Variants in ANKS1B observed in about 807,000 individuals in gnomAD.
ANKS1B encodes the protein ankyrin repeat and sterile alpha motif domain containing 1B, also known as ankyrin repeat and sterile alpha motif domain-containing protein 1B.
A neutral mutation model predicts 148.3 loss-of-function variants in ANKS1B; 36 were observed. The ratio of observed to expected loss-of-function variants is 0.24; its 90% confidence interval spans 0.19 to 0.32. The LOEUF (loss-of-function observed/expected upper bound fraction) is 0.32, where lower values mean the gene tolerates loss of function less well. Ranked by LOEUF, ANKS1B falls within the 10% of genes least tolerant of loss-of-function variation. The pLI is 1.00. For synonymous variants in ANKS1B, 542 were observed against 560.8 expected (o/e 0.97, Z 0.47); for missense variants, 1,157 against 1,542.6 (o/e 0.75, Z 4.19).
In ANKS1B at chr12:99,053,223, G is replaced by T. The variant is rs769313167; in HGVS notation, c.2712C>A (p.Ala904=). 1.6e-5 allele frequency: 26 copies of T among 1,610,830 alleles called. No individual in the cohort carries two copies. Among genetic ancestry groups the T allele is most frequent in the Non-Finnish European group, 2.2e-5 (26 of 1,178,516 alleles). The change falls in exon 17 of 27, where the codon GCC becomes GCA. Residue 904 remains alanine (A), a synonymous_variant. Transcript: ENST00000683438. ...DSIELGDYTK[A]FLINGYTSMD... ...TCGAAGTGTAGCCATTAATTAGAAA[G>T]GCTTTGGTGTAGTCGCCCAGTTCAA... is the stretch of plus-strand genomic sequence containing the variant.
At chr12:99,780,015 T>G in intron 5 of ANKS1B, 43 bp from the exon 6 acceptor site, 1 of 1,309,626 alleles carries the variant, frequency 7.6e-7, no homozygotes, top group South Asian at 1.2e-5. Flanking sequence ...ACCACTGAAG[T>G]ATCCTCAAAA....
intron 17 of ANKS1B, chr12:99,049,134 A>G (rs532042618): frequency 6.6e-6 from 1 of 152,200 alleles, no homozygotes; most frequent in Non-Finnish European, 1.5e-5. Flanking sequence ...AATATTTCTC[A>G]TTTATTATGT....
chr12:99,002,516 G>A (rs2099933663), intron 17 of ANKS1B, among the ~76,000 whole-genome samples: 3 of 145,552 alleles, frequency 2.1e-5, no homozygotes, highest in Non-Finnish European at 1.5e-5. Context: ...TGAGAACATT[G>A]GCTTTTTGAT....
chr12:99,335,757 T>C (rs2088698419), intron 12 of ANKS1B, among the ~76,000 whole-genome samples: 1 of 152,102 alleles, frequency 6.6e-6, no homozygotes, highest in South Asian at 2.1e-4. Flanking sequence ...TTTCCATTTG[T>C]CTGCTGATGG....
At chr12:99,578,629 A>T (rs1335600654) in intron 9 of ANKS1B, among the ~76,000 whole-genome samples, 1 of 152,198 alleles carries the variant, frequency 6.6e-6, no homozygotes, top group African/African-American at 2.4e-5. Flanking sequence ...ATGCCTAGGA[A>T]TACAGGTAAC....
At chr12:99,253,287 A>C (rs2074863962) in intron 12 of ANKS1B, among the ~76,000 whole-genome samples, 1 of 152,012 alleles carries the variant, frequency 6.6e-6, no homozygotes, top group African/African-American at 2.4e-5. Context: ...GAGACTTTGA[A>C]TGTAATAGAA....
rs75456516 is a variant in ANKS1B at position 99,369,747 on chromosome 12, AAGATAGATAGAT to A, written c.1756+29872_1756+29883del. Among the ~76,000 whole-genome samples, 36 of 143,404 alleles carry A rather than the reference AAGATAGATAGAT, an allele frequency of 2.5e-4. 1 individual carries two copies. The highest frequency in any genetic ancestry group is 8.3e-4 in the East Asian group (4 of 4,814). The allele number at this position is 143,404 out of a possible 152,430, so 94.1% of individuals were successfully genotyped here. A position where few individuals can be genotyped will look rare whatever the true frequency, so the allele number is the denominator to read the frequency against. On this transcript the variant is annotated intron_variant, in intron 12 of 26. Coordinates refer to ENST00000683438, the MANE Select transcript of ANKS1B (RefSeq NM_001352186.2). ...ATAGACAGATAGATAAATGGATAGA[AAGATAGATAGAT>A]AGATAGATAGATAGATAGATAGATA...
At chr12:99,343,290 A>G (rs559539608) in intron 12 of ANKS1B, among the ~76,000 whole-genome samples, 4 of 152,112 alleles carry the variant, frequency 2.6e-5, no homozygotes, top group African/African-American at 9.7e-5. Flanking sequence ...AATAGATCCA[A>G]TATCCCATGA....
At chr12:99,249,915 G>C (rs1234519928) in intron 12 of ANKS1B, among the ~76,000 whole-genome samples, 1 of 152,202 alleles carries the variant, frequency 6.6e-6, no homozygotes, top group Non-Finnish European at 1.5e-5. Flanking sequence ...ACATTACCCA[G>C]CTGTTTCAAA....
intron 15 of ANKS1B, among the ~76,000 whole-genome samples, chr12:99,096,301 T>C (rs2056097931): frequency 6.6e-6 from 1 of 152,202 alleles, no homozygotes; most frequent in African/African-American, 2.4e-5. Context: ...AGAATATTCC[T>C]GACTTTTCCC....
At chr12:99,325,463 A>G (rs1302803465) in intron 12 of ANKS1B, among the ~76,000 whole-genome samples, 1 of 152,128 alleles carries the variant, frequency 6.6e-6, no homozygotes, top group Non-Finnish European at 1.5e-5. Context: ...GCAGTGGCAG[A>G]CCACCCACAT....
intron 1 of ANKS1B, among the ~76,000 whole-genome samples, chr12:99,868,368 T>C (rs11110075): frequency 2.6e-5 from 4 of 152,188 alleles, no homozygotes; most frequent in South Asian, 2.1e-4. Context: ...AAAAAACCTA[T>C]AGCAGTCATA....
At chr12:99,262,913 G>A (rs371450961) in intron 12 of ANKS1B, among the ~76,000 whole-genome samples, 6 of 151,810 alleles carry the variant, frequency 4.0e-5, no homozygotes, top group South Asian at 2.1e-4. Flanking sequence ...TTATGTTACC[G>A]AAATCATCTT....
chr12:98,928,131 A>C, intron 17 of ANKS1B, among the ~76,000 whole-genome samples: 1 of 151,770 alleles, frequency 6.6e-6, no homozygotes, highest in Middle Eastern at 3.2e-3. Context: ...GAAATAAAAC[A>C]AAAGATTATA....
chr12:99,563,560 C>A (rs2097359283), intron 9 of ANKS1B, among the ~76,000 whole-genome samples: 1 of 152,078 alleles, frequency 6.6e-6, no homozygotes, highest in East Asian at 1.9e-4. Flanking sequence ...AGTTGTGTCA[C>A]CCCAAAACAA....
At chr12:98,906,408 C>A (rs764729780) in intron 17 of ANKS1B, among the ~76,000 whole-genome samples, 1 of 152,214 alleles carries the variant, frequency 6.6e-6, no homozygotes, top group African/African-American at 2.4e-5. Context: ...TAATGGAGGG[C>A]GTGTGACCGA....
intron 14 of ANKS1B, among the ~76,000 whole-genome samples, chr12:99,182,569 A>T (rs760673115): frequency 5.3e-5 from 8 of 152,050 alleles, no homozygotes; most frequent in African/African-American, 9.7e-5. Flanking sequence ...CATCTGTTGG[A>T]CACTTGGTTT....
At chr12:99,901,598 C>T (rs1241653777) in intron 1 of ANKS1B, among the ~76,000 whole-genome samples, 1 of 152,132 alleles carries the variant, frequency 6.6e-6, no homozygotes, top group Non-Finnish European at 1.5e-5. Flanking sequence ...AACTCCAAAA[C>T]CTCATTTAGA....
intron 14 of ANKS1B, among the ~76,000 whole-genome samples, chr12:99,216,167 G>C (rs544543705): frequency 6.6e-6 from 1 of 152,136 alleles, no homozygotes; most frequent in Non-Finnish European, 1.5e-5. Flanking sequence ...TTTGCACTTC[G>C]TTTGCCTTCT....
Sources: allele counts gnomAD v4.1 joint callset (sites outside exome capture counted in the v4.1 genomes callset), GRCh38; gene constraint gnomAD v4.1.1; transcripts MANE v1.5; gene names NCBI Gene and HGNC (gene_info 2026-07-23, HGNC 2026-07-21).